Variants in IL1RAPL1 observed in about 807,000 individuals in gnomAD.
IL1RAPL1 encodes interleukin-1 receptor accessory protein-like 1.
A neutral mutation model predicts 48.4 loss-of-function variants in IL1RAPL1; 3 were observed. That is an observed-to-expected ratio of 0.06 (90% CI 0.03 to 0.16). The LOEUF is 0.16. IL1RAPL1 is among the 10% of genes least tolerant of loss of function. IL1RAPL1 has a pLI of 1.00. For synonymous variants in IL1RAPL1, 185 were observed against 187.7 expected (o/e 0.99, Z 0.12); for missense variants, 349 against 530.6 (o/e 0.66, Z 3.36).
intron 6 of IL1RAPL1, among the ~76,000 whole-genome samples, chrX:29,697,067 C>G (rs2147113808): frequency 9.0e-6 from 1 of 111,533 alleles, no homozygotes; most frequent in African/African-American, 3.3e-5. Flanking sequence ...AGGTCACTGT[C>G]ATGTAGTGAT....
intron 1 of IL1RAPL1, among the ~76,000 whole-genome samples, chrX:28,721,752 A>G (rs1356639554): frequency 9.0e-6 from 1 of 111,056 alleles, no homozygotes; most frequent in Admixed American, 9.6e-5. Context: ...TCTTTAATCC[A>G]TCTTGAATTA....
At chrX:29,694,306 C>T (rs1455115983) in intron 6 of IL1RAPL1, among the ~76,000 whole-genome samples, 1 of 111,725 alleles carries the variant, frequency 9.0e-6, no homozygotes, top group Non-Finnish European at 1.9e-5. Flanking sequence ...CTTGCAAATT[C>T]GATTTTATCC....
intron 6 of IL1RAPL1, among the ~76,000 whole-genome samples, chrX:29,681,381 G>T (rs1926444075): frequency 8.9e-6 from 1 of 112,308 alleles, no homozygotes; most frequent in Non-Finnish European, 1.9e-5. Context: ...TCTTACCCAA[G>T]AAGCAAGGAG....
chrX:29,034,665 T>C (rs1341527043), intron 2 of IL1RAPL1, among the ~76,000 whole-genome samples: 1 of 111,507 alleles, frequency 9.0e-6, no homozygotes, highest in Non-Finnish European at 1.9e-5. Context: ...TAGGAATTCA[T>C]CTTTTTAGTG....
rs140689139 is a variant in IL1RAPL1 at position 29,858,583 on chromosome X, G to A, written c.779-58881G>A. ...TTCTAACCTCAATCTTGGACTTTTT[G>A]TATTAGAGCAACAGCCACCTCCTAC... On this transcript the variant is annotated intron_variant, in intron 6 of 10. Transcript: ENST00000378993. 8.6e-3 allele frequency among the ~76,000 whole-genome samples: 955 copies of A among 110,631 alleles called. 13 individuals are homozygous for A. The highest frequency in any genetic ancestry group is 0.03 in the African/African-American group (910 of 30,358).
chrX:29,319,544 ATG>A (rs1569284573), intron 3 of IL1RAPL1, among the ~76,000 whole-genome samples: 53 of 85,462 alleles, frequency 6.2e-4, no homozygotes, highest in African/African-American at 1.9e-3. Flanking sequence ...GTATGTATGT[ATG>A]TATGTATGTA....
chrX:28,704,853 T>G (rs1601866261), intron 1 of IL1RAPL1, among the ~76,000 whole-genome samples: 10 of 71,284 alleles, frequency 1.4e-4, no homozygotes, highest in African/African-American at 3.6e-4. Context: ...AAAAAAACTG[T>G]GACTGGAGCA....
At chrX:28,840,749 G>A (rs2147291756) in intron 2 of IL1RAPL1, among the ~76,000 whole-genome samples, 1 of 110,278 alleles carries the variant, frequency 9.1e-6, no homozygotes, top group African/African-American at 3.3e-5. Context: ...TTAAGCTTCC[G>A]TGTCTAAGTT....
intron 5 of IL1RAPL1, among the ~76,000 whole-genome samples, chrX:29,630,771 C>T (rs1412978687): frequency 1.8e-5 from 2 of 112,009 alleles, no homozygotes; most frequent in African/African-American, 6.5e-5. Flanking sequence ...ATCTCCTGAC[C>T]TCGTGATCCG....
At chrX:29,759,091 A>G (rs1928691592) in intron 6 of IL1RAPL1, among the ~76,000 whole-genome samples, 1 of 112,589 alleles carries the variant, frequency 8.9e-6, no homozygotes, top group Non-Finnish European at 1.9e-5. Flanking sequence ...TTAATTAATT[A>G]GGATTCAATG....
At chrX:28,653,943 A>G (rs1261788454) in intron 1 of IL1RAPL1, among the ~76,000 whole-genome samples, 1 of 111,765 alleles carries the variant, frequency 8.9e-6, no homozygotes, top group Admixed American at 9.5e-5. Context: ...ATGCCATCAT[A>G]TTAAAGGTTC....
At chrX:29,700,386 T>G (rs960372472) in intron 6 of IL1RAPL1, among the ~76,000 whole-genome samples, 2 of 111,859 alleles carry the variant, frequency 1.8e-5, no homozygotes, top group Non-Finnish European at 3.8e-5. Context: ...GACCAAAAGT[T>G]TCTCACATTA....
intron 2 of IL1RAPL1, among the ~76,000 whole-genome samples, chrX:29,090,094 T>C (rs980092004): frequency 1.8e-5 from 2 of 108,638 alleles, no homozygotes; most frequent in African/African-American, 6.7e-5. Context: ...TGTATAATGT[T>C]CTGGGGTGCA....
chrX:29,357,689 A>G (rs1306671999), intron 3 of IL1RAPL1, among the ~76,000 whole-genome samples: 1 of 112,213 alleles, frequency 8.9e-6, no homozygotes, highest in East Asian at 2.8e-4. Context: ...TTCAGTTTGT[A>G]GAGGGGAAAG....
rs755538831 is a variant in IL1RAPL1, at chrX:29,719,264, T to G, written c.778+50760T>G. Among the ~76,000 whole-genome samples, 20 of 112,220 alleles carry G rather than the reference T, an allele frequency of 1.8e-4. No individual in the cohort carries two copies. In the South Asian group the frequency reaches 7.4e-3, roughly 42 times the overall value. ...ATGTATTCTCTCTAGCCCCTAACAT[T>G]TCATGATAGATTCACTACAGTTGTA... On this transcript the variant is annotated intron_variant, in intron 6 of 10. Transcript: ENST00000378993.
At chrX:29,431,665 A>G (rs1569309976) in intron 5 of IL1RAPL1, among the ~76,000 whole-genome samples, 2 of 111,947 alleles carry the variant, frequency 1.8e-5, no homozygotes, top group Non-Finnish European at 3.8e-5. Context: ...TATTTTAAAG[A>G]TTCTCAAAAC....
intron 2 of IL1RAPL1, among the ~76,000 whole-genome samples, chrX:28,997,302 A>G (rs1440791157): frequency 8.9e-6 from 1 of 112,032 alleles, no homozygotes; most frequent in Non-Finnish European, 1.9e-5. Flanking sequence ...ATTTTATTAA[A>G]TCATATTCTT....
At chrX:28,914,414 C>T (rs1923436230) in intron 2 of IL1RAPL1, among the ~76,000 whole-genome samples, 2 of 111,735 alleles carry the variant, frequency 1.8e-5, no homozygotes, top group South Asian at 7.5e-4. Flanking sequence ...TCTCAAGTCT[C>T]ATTATTGTAA....
At chrX:29,919,109 A>G (rs770891222) in intron 7 of IL1RAPL1, among the ~76,000 whole-genome samples, 1 of 112,290 alleles carries the variant, frequency 8.9e-6, no homozygotes, top group East Asian at 2.8e-4. Context: ...CAACAAATAC[A>G]TAAGAATATT....
Sources: gnomAD v4.1 joint callset for allele counts (sites outside exome capture counted in the v4.1 genomes callset) on GRCh38, gnomAD v4.1.1 for gene constraint, MANE v1.5 for transcripts, NCBI Gene and HGNC (gene_info 2026-07-23, HGNC 2026-07-21) for gene names.